The following CFAP44 variants were observed in gnomAD, a reference collection of about 807,000 sequenced individuals.
CFAP44 encodes the protein cilia and flagella associated protein 44, also known as cilia- and flagella-associated protein 44.
A neutral mutation model predicts 216.2 loss-of-function variants in CFAP44; 134 were observed. The ratio of observed to expected loss-of-function variants is 0.62; its 90% CI spans 0.54 to 0.72. CFAP44 has a LOEUF of 0.72. Ranked by LOEUF, CFAP44 falls within the 30% of genes least tolerant of loss-of-function variation. CFAP44 has a pLI of 0.00. For missense variants in CFAP44, 2,035 were observed against 2,182.1 expected (o/e 0.93, Z 1.34); for synonymous variants, 700 against 727.6 (o/e 0.96, Z 0.61).
chr3:113,390,254 C>A (rs2107347814), intron 15 of CFAP44, among the ~76,000 whole-genome samples: 1 of 152,200 alleles, frequency 6.6e-6, no homozygotes, highest in East Asian at 1.9e-4. Context: ...ATCACACCAC[C>A]ATTTCAATTG....
At chr3:113,405,984 A>G (rs757628367) in intron 8 of CFAP44, among the ~76,000 whole-genome samples, 3 of 152,198 alleles carry the variant, frequency 2.0e-5, no homozygotes, top group Non-Finnish European at 4.4e-5. Flanking sequence ...GGTTCCTTAA[A>G]TATTTGTGTG....
Position 113,305,126 on chromosome 3 carries a change from A to C in CFAP44, c.4785T>G (p.Asn1595Lys), listed in dbSNP as rs1949972846. Residue 1595 changes from asparagine (N) to lysine (K), a missense_variant, in exon 31 of 35, where the codon AAT (asparagine) becomes AAG (lysine). Physicochemically the swap from Asn to Lys is moderately conservative, Grantham distance 94. This residue lies in a region of CFAP44 where 1,883 missense variants were observed against 2,023.7 expected (regional missense o/e 0.93). Transcript: ENST00000393845. ...AAGCCTCCAGGGCCTCCTCTGCTGC[A>C]TTCAGATTAGTTGCCACAATTTTCA... is the stretch of plus-strand genomic sequence containing the variant. ...KKVKIVATNL[N>K]AAEEALEAYQ... The C allele has an allele frequency of 2.0e-6, 3 of 1,537,268 alleles. No individual in the cohort carries two copies. Among genetic ancestry groups the C allele is most frequent in the Non-Finnish European group, 2.6e-6 (3 of 1,146,914 alleles).
chr3:113,330,427 C>T lies in CFAP44; in HGVS notation c.3857G>A (p.Ser1286Asn). 6.5e-7 allele frequency: 1 copy of T among 1,537,332 alleles called. No homozygotes were observed. The highest frequency in any genetic ancestry group is 1.4e-5 in the African/African-American group (1 of 73,146). ...CACTCCGGGGGACTTTTCATCTTTACTTTTCATTTGCTGTTGCTTAAAATT... is the reference window on the plus strand; with the variant it reads ...CACTCCGGGGGACTTTTCATCTTTATTTTTCATTTGCTGTTGCTTAAAATT... ...LLNFKQQQMKSKDEKSPGVEQ... is the reference protein window; with the variant it reads ...LLNFKQQQMKNKDEKSPGVEQ... The change falls in exon 26 of 35, where the codon AGT (serine) becomes AAT (asparagine). Residue 1286 changes from serine to asparagine, a missense_variant. Around this residue, in one of 3 missense-constraint regions of CFAP44, gnomAD observed 1,883 missense variants for 2,023.7 expected, o/e 0.93. Coordinates refer to ENST00000393845, the MANE Select transcript of CFAP44 (RefSeq NM_001164496.2).
At chr3:113,417,511 A>G (rs991385701) in intron 5 of CFAP44, among the ~76,000 whole-genome samples, 2 of 152,270 alleles carry the variant, frequency 1.3e-5, no homozygotes, top group Middle Eastern at 3.2e-3. Flanking sequence ...TAAGCTATTT[A>G]AAACACATAT....
In CFAP44 at chr3:113,287,739, A is replaced by G. The variant is rs2107780314; in HGVS notation, c.*3818T>C. 6.6e-6 allele frequency: 1 copy of G among 152,402 alleles called. No individual in the cohort carries two copies. Among genetic ancestry groups the G allele is most frequent in the South Asian group, 2.1e-4 (1 of 4,830 alleles). The allele number at this position is 152,402 out of a possible 1,614,324, so 9.4% of individuals were successfully genotyped here. On this transcript the variant is annotated 3_prime_UTR_variant, in exon 35 of 35. Coordinates refer to ENST00000393845, the MANE Select transcript of CFAP44 (RefSeq NM_001164496.2). The stretch of plus-strand genomic sequence containing the variant: ...ACCAACTGGACTTGAGATGAAGTTT[A>G]GGTCATATTGAAGAAATAGAACTAA...
chr3:113,305,801 T>C (rs941102251), intron 30 of CFAP44, among the ~76,000 whole-genome samples: 1 of 152,200 alleles, frequency 6.6e-6, no homozygotes, highest in African/African-American at 2.4e-5. Context: ...GGGGTATAAA[T>C]TGAAAATGTC....
intron 28 of CFAP44, among the ~76,000 whole-genome samples, chr3:113,325,569 C>G (rs369646830): frequency 6.6e-6 from 1 of 151,896 alleles, no homozygotes; most frequent in Non-Finnish European, 1.5e-5. Flanking sequence ...CTCAGCCTCC[C>G]TAGTAGCTCG....
chr3:113,314,783 T>A (rs1229512060), intron 28 of CFAP44, among the ~76,000 whole-genome samples: 3 of 152,152 alleles, frequency 2.0e-5, no homozygotes, highest in Non-Finnish European at 4.4e-5. Flanking sequence ...TAAGTAAGGT[T>A]TTTGTACTTC....
At chr3:113,435,734 T>TA (rs1935221412) in intron 1 of CFAP44, among the ~76,000 whole-genome samples, 55 of 20,258 alleles carry the variant, frequency 2.7e-3, no homozygotes, top group African/African-American at 8.0e-3. Context: ...GCTTCTAAAA[T>TA]TAAAAAAAAA....
At chr3:113,336,657 G>C (rs189554618) in intron 24 of CFAP44, among the ~76,000 whole-genome samples, 173 of 151,912 alleles carry the variant, frequency 1.1e-3, no homozygotes, top group African/African-American at 4.0e-3. Context: ...CCAAAAAATA[G>C]AACAAACAGA....
intron 13 of CFAP44, among the ~76,000 whole-genome samples, 170 bp downstream of exon 13, chr3:113,399,736 C>G (rs1477583228): frequency 6.6e-6 from 1 of 152,134 alleles, no homozygotes; most frequent in African/African-American, 2.4e-5. Flanking sequence ...AAACCCATAA[C>G]AACAATCATG....
chr3:113,416,353 C>T (rs1488142208), intron 6 of CFAP44, among the ~76,000 whole-genome samples, 172 bp downstream of exon 6: 1 of 152,026 alleles, frequency 6.6e-6, no homozygotes, highest in Non-Finnish European at 1.5e-5. Context: ...GGGCATTTAG[C>T]CCATTTACAT....
chr3:113,327,616 T>A lies in CFAP44; in HGVS notation c.4320A>T (p.Gln1440His), dbSNP rs1211134450. The A allele has an allele frequency of 1.3e-6, 2 of 1,534,424 alleles. No individual in the cohort carries two copies. The highest frequency in any genetic ancestry group is 8.7e-7 in the Non-Finnish European group (1 of 1,145,136). Reference sequence around the variant, plus strand: ...CTAGGATTCTTCTGCCCACTCATACTTGCATGTACTGTTCCTCTTTGTCTA... The same window carrying A: ...CTAGGATTCTTCTGCCCACTCATACATGCATGTACTGTTCCTCTTTGTCTA... Reference protein sequence around the residue: ...NSLDKEEQYMQWKINETLKEM... With the variant: ...NSLDKEEQYMHWKINETLKEM... Residue 1440 changes from glutamine (Q) to histidine (H), a missense_variant and splice_region_variant, in exon 27 of 35, where the codon CAA (glutamine) becomes CAT (histidine). By Grantham distance (24) the Gln-to-His change is conservative (BLOSUM62 0). Coordinates refer to ENST00000393845, the MANE Select transcript of CFAP44 (RefSeq NM_001164496.2).
intron 6 of CFAP44, among the ~76,000 whole-genome samples, chr3:113,415,875 G>C (rs1195953233): frequency 6.6e-6 from 1 of 152,084 alleles, no homozygotes; most frequent in Non-Finnish European, 1.5e-5. Flanking sequence ...AGGTCTATCA[G>C]GTCCACTTGA....
At chr3:113,435,088 T>C (rs1427326002) in intron 1 of CFAP44, 1 of 152,224 alleles carries the variant, frequency 6.6e-6, no homozygotes, top group Non-Finnish European at 1.5e-5. Context: ...CCGAGCTCAG[T>C]GGCTCATGCC....
chr3:113,342,059 G>C, intron 23 of CFAP44, 141 bp from the exon 24 acceptor site: 7 of 1,067,200 alleles, frequency 6.6e-6, no homozygotes, highest in South Asian at 1.9e-5. Flanking sequence ...AGCACTAGTT[G>C]TGGTGGCTCT....
At chr3:113,306,602 T>C (rs746959006) in intron 29 of CFAP44, among the ~76,000 whole-genome samples, 1 of 152,200 alleles carries the variant, frequency 6.6e-6, no homozygotes, top group African/African-American at 2.4e-5. Flanking sequence ...TCAAGGCTCA[T>C]AGACCCTGCA....
chr3:113,296,609 G>T, intron 33 of CFAP44, 116 bp downstream of exon 33: 1 of 1,210,748 alleles, frequency 8.3e-7, no homozygotes, highest in Non-Finnish European at 1.1e-6. Flanking sequence ...CAGCCAAAGG[G>T]GGCTCGCGGA....
chr3:113,428,356 T>A (rs1047099850), intron 2 of CFAP44, among the ~76,000 whole-genome samples: 2 of 152,128 alleles, frequency 1.3e-5, no homozygotes, highest in Non-Finnish European at 2.9e-5. Flanking sequence ...GGAGAAGACG[T>A]AATAAAAAAT....
Sources: gnomAD v4.1 joint callset for allele counts (sites outside exome capture counted in the v4.1 genomes callset) on GRCh38, gnomAD v4.1.1 for gene constraint, gnomAD v4.1.1 regional missense constraint, MANE v1.5 for transcripts, NCBI Gene and HGNC (gene_info 2026-07-23, HGNC 2026-07-21) for gene names.